The following ELMO2 variants were observed in gnomAD, a reference collection of about 807,000 sequenced individuals.
ELMO2 encodes engulfment and cell motility protein 2.
ELMO2 carries 37 observed loss-of-function variants against 96.2 expected under a neutral mutation model. The ratio of observed to expected loss-of-function variants is 0.38; its 90% CI spans 0.30 to 0.51. The LOEUF (loss-of-function observed/expected upper bound fraction) is 0.51. Ranked by LOEUF, ELMO2 falls within the 20% of genes least tolerant of loss-of-function variation. ELMO2 has a pLI of 0.88. For synonymous variants in ELMO2, 315 were observed against 329.4 expected (o/e 0.96, Z 0.47); for missense variants, 561 against 912.6 (o/e 0.61, Z 4.96).
At chr20:46,401,463 GTGGGGGCAGGGGAACTATT>G (rs1318678563) in intron 1 of ELMO2, among the ~76,000 whole-genome samples, 1 of 152,206 alleles carries the variant, frequency 6.6e-6, no homozygotes, top group Non-Finnish European at 1.5e-5. Flanking sequence ...GAGAAGGGGT[GTGGGGGCAGGGGAACTATT>G]TGGGTTTCTT....
rs370814852 is a variant in ELMO2, at chr20:46,387,318, C to G, written c.525+20G>C. Reference sequence around the variant, plus strand: ...TGGCAGCTGAGGGAGGAGAGAAAGACAGAATGTTGGAGGCCTCACCTGCTT... The same window carrying G: ...TGGCAGCTGAGGGAGGAGAGAAAGAGAGAATGTTGGAGGCCTCACCTGCTT... On this transcript the variant is annotated intron_variant, in intron 8 of 21. Transcript: ENST00000290246. 6.8e-6 allele frequency: 11 copies of G among 1,608,490 alleles called. No individual in the cohort carries two copies. The East Asian group carries it at 1.6e-4, about 23-fold the overall frequency.
Position 46,391,438 on chromosome 20 carries a change from A to T in ELMO2, c.243+1655T>A, listed in dbSNP as rs1285158917. 8.5e-5 allele frequency among the ~76,000 whole-genome samples: 13 copies of T among 152,342 alleles called. No individual in the cohort carries two copies. The South Asian group carries it at 1.5e-3, about 17-fold the overall frequency. ...ACAAAGTATTTAGCAAAATATAGGCATTCAGTAAACGCTGGCTGATATCAC... is the reference window on the plus strand; with the variant it reads ...ACAAAGTATTTAGCAAAATATAGGCTTTCAGTAAACGCTGGCTGATATCAC... On this transcript the variant is annotated intron_variant, in intron 6 of 21. Transcript: ENST00000290246.
chr20:46,370,424 A>G lies in ELMO2; in HGVS notation c.1884+19T>C, dbSNP rs2059679642. On this transcript the variant is annotated intron_variant, in intron 20 of 21. Transcript: ENST00000290246. Reference sequence around the variant, plus strand: ...CAAGTATCACTGGGCCAGCTACTCAAACTGGCCTCTCTACTCACCTTGTTC... The same window carrying G: ...CAAGTATCACTGGGCCAGCTACTCAGACTGGCCTCTCTACTCACCTTGTTC... 6.2e-7 allele frequency: 1 copy of G among 1,612,976 alleles called. No homozygotes were observed. The highest frequency in any genetic ancestry group is 1.3e-5 in the African/African-American group (1 of 74,896).
intron 1 of ELMO2, among the ~76,000 whole-genome samples, chr20:46,404,261 C>T (rs1343388781): frequency 6.6e-6 from 1 of 152,192 alleles, no homozygotes; most frequent in African/African-American, 2.4e-5. Context: ...TCTTCAACTG[C>T]ATCAAATATG....
At chr20:46,403,718 C>T (rs545025515) in intron 1 of ELMO2, among the ~76,000 whole-genome samples, 1 of 152,208 alleles carries the variant, frequency 6.6e-6, no homozygotes, top group Non-Finnish European at 1.5e-5. Context: ...CTATGACATA[C>T]ACCGCCCAAT....
chr20:46,382,026 C>T (rs117736941), intron 10 of ELMO2, among the ~76,000 whole-genome samples: 1 of 152,352 alleles, frequency 6.6e-6, no homozygotes, highest in East Asian at 1.9e-4. Flanking sequence ...TTAATCCTTT[C>T]TGTGACTCTA....
chr20:46,404,415 C>T (rs1299020579), intron 1 of ELMO2, among the ~76,000 whole-genome samples: 1 of 152,130 alleles, frequency 6.6e-6, no homozygotes, highest in African/African-American at 2.4e-5. Flanking sequence ...TCCTTTGCAC[C>T]TCCTAGAGTC....
At chr20:46,406,319 G>A (rs569029893) in intron 1 of ELMO2, among the ~76,000 whole-genome samples, 2 of 152,132 alleles carry the variant, frequency 1.3e-5, no homozygotes, top group South Asian at 4.2e-4. Context: ...GCCCCTTCTG[G>A]GTCCAGGACC....
At chr20:46,404,547 T>C (rs1425693968) in intron 1 of ELMO2, among the ~76,000 whole-genome samples, 1 of 152,114 alleles carries the variant, frequency 6.6e-6, no homozygotes, top group Admixed American at 6.5e-5. Context: ...AGCTTCACTA[T>C]CGATATCAGT....
chr20:46,393,521 G>T lies in ELMO2; in HGVS notation c.192+8C>A, dbSNP rs530933417. On this transcript the variant is annotated splice_region_variant and intron_variant, in intron 5 of 21. Transcript: ENST00000290246. ...GCCCATATTGATTTTGCCTCTCCCTGTACTAACCTGTTCGGTGATGTACAG... is the reference window on the plus strand; with the variant it reads ...GCCCATATTGATTTTGCCTCTCCCTTTACTAACCTGTTCGGTGATGTACAG... The T allele has an allele frequency of 6.2e-7, 1 of 1,614,062 alleles. No homozygotes were observed. Among genetic ancestry groups the T allele is most frequent in the East Asian group, 2.2e-5 (1 of 44,884 alleles).
In ELMO2 at chr20:46,393,401, C is replaced by G. The variant is rs182257139; in HGVS notation, c.192+128G>C. 3.3e-5 allele frequency: 37 copies of G among 1,115,760 alleles called. No homozygotes were observed. In the African/African-American group the frequency reaches 5.3e-4, roughly 16 times the overall value. The allele number at this position is 1,115,760 out of a possible 1,614,324, so 69.1% of individuals were successfully genotyped here. A position where few individuals can be genotyped will look rare whatever the true frequency, so the allele number is the denominator to read the frequency against. Reference sequence around the variant, plus strand: ...AAGGGCTGGTGTTTCCCAGTCTGTCCGGAGAGTGACTCTTTACCCAACACA... The same window carrying G: ...AAGGGCTGGTGTTTCCCAGTCTGTCGGGAGAGTGACTCTTTACCCAACACA... On this transcript the variant is annotated intron_variant, in intron 5 of 21. Coordinates refer to ENST00000290246, the MANE Select transcript of ELMO2 (RefSeq NM_133171.5).
chr20:46,372,096 G>T, intron 16 of ELMO2, 127 bp from the exon 17 acceptor site: 1 of 1,101,146 alleles, frequency 9.1e-7, no homozygotes, highest in Non-Finnish European at 1.3e-6. Flanking sequence ...GACATCTGCT[G>T]GGTGAGTAAG....
chr20:46,392,109 T>C (rs1478401040), intron 6 of ELMO2, among the ~76,000 whole-genome samples: 5 of 152,192 alleles, frequency 3.3e-5, no homozygotes, highest in Non-Finnish European at 5.9e-5. Context: ...TAGACAGCTT[T>C]TCTGCTCTCA....
At chr20:46,370,005 T>C (rs1228183437) in intron 20 of ELMO2, 2 of 347,158 alleles carry the variant, frequency 5.8e-6, no homozygotes, top group African/African-American at 2.2e-5. Flanking sequence ...TGTGTGTGTG[T>C]ATCCATATAA....
chr20:46,369,961 GGTGTGTGTGTGTGTGTGTGTGTGT>G (rs200632114), intron 20 of ELMO2: 6 of 50,200 alleles, frequency 1.2e-4, no homozygotes, highest in African/African-American at 2.9e-4. Flanking sequence ...TGGGTATGGG[GGTGTGTGTGTGTGTGTGTGTGTGT>G]GTGTGTGTGT....
Position 46,394,508 on chromosome 20 carries a change from G to C in ELMO2, c.-26C>G. ...CGTTCCCAATGGGCTCTAATTCTGC[G>C]AGACAAAAACACAGACACGGCTGCC... On this transcript the variant is annotated 5_prime_UTR_variant, in exon 3 of 22. Transcript: ENST00000290246. The C allele has an allele frequency of 6.2e-7, 1 of 1,613,062 alleles. No homozygotes were observed. The highest frequency in any genetic ancestry group is 8.5e-7 in the Non-Finnish European group (1 of 1,179,056).
Position 46,373,550 on chromosome 20 carries a change from A to C in ELMO2, c.1280-15T>G. The stretch of plus-strand genomic sequence containing the variant: ...TCCTTCATTTGCTGTGGAAGTGAAA[A>C]AACAGGGAGAAGATGAAGCCTCTGT... On this transcript the variant is annotated splice_polypyrimidine_tract_variant and intron_variant, in intron 15 of 21. Transcript: ENST00000290246. 3 of 1,613,344 alleles carry C rather than the reference A, an allele frequency of 1.9e-6. No individual in the cohort carries two copies. The highest frequency in any genetic ancestry group is 1.7e-6 in the Non-Finnish European group (2 of 1,179,348).
intron 10 of ELMO2, 48 bp from the exon 11 acceptor site, chr20:46,380,351 C>T: frequency 1.4e-6 from 2 of 1,461,532 alleles, no homozygotes; most frequent in Non-Finnish European, 1.9e-6. Context: ...AGGCACACAC[C>T]TGTGACTACT....
chr20:46,370,242 G>A (rs1397541059), intron 20 of ELMO2: 3 of 683,478 alleles, frequency 4.4e-6, no homozygotes, highest in Non-Finnish European at 8.0e-6. Context: ...ACAAGTGGAT[G>A]GGCAGAACTG....
Sources: allele counts gnomAD v4.1 joint callset (sites outside exome capture counted in the v4.1 genomes callset), GRCh38; gene constraint gnomAD v4.1.1; transcripts MANE v1.5; gene names NCBI Gene and HGNC (gene_info 2026-07-23, HGNC 2026-07-21).